Variants in ST6GALNAC4 observed in about 807,000 individuals in gnomAD.
ST6GALNAC4 encodes the protein alpha-N-acetyl-neuraminyl-2,3-beta-galactosyl-1,3-N-acetyl-galactosaminide alpha-2,6-sialyltransferase.
In ST6GALNAC4, 24 loss-of-function variants were observed where a neutral mutation model predicts 30.4. The observed-to-expected ratio is 0.79, with a 90% CI of 0.57 to 1.11. The LOEUF (loss-of-function observed/expected upper bound fraction) is 1.11. Among genes scored for constraint, ST6GALNAC4 ranks in the 50% most tolerant of loss-of-function variants. ST6GALNAC4 has a pLI of 0.00. For missense variants in ST6GALNAC4, 365 were observed against 430.1 expected (o/e 0.85, Z 1.34); for synonymous variants, 156 against 179.7 (o/e 0.87, Z 1.05).
intron 5 of ST6GALNAC4, 75 bp from the exon 6 acceptor site, chr9:127,908,656 C>T (rs1336467308): frequency 2.9e-6 from 4 of 1,371,178 alleles, no homozygotes; most frequent in South Asian, 3.4e-5. Flanking sequence ...CCTACCTTGA[C>T]CACCCCTCGC....
chr9:127,915,407 A>C (rs1588678591), intron 2 of ST6GALNAC4, among the ~76,000 whole-genome samples: 1 of 151,860 alleles, frequency 6.6e-6, no homozygotes, highest in Non-Finnish European at 1.5e-5. Context: ...CCTCCTCCCC[A>C]CCCCCAGCTG....
In ST6GALNAC4 at chr9:127,916,403, C is replaced by G. The variant is rs781763167; in HGVS notation, c.12+5G>C. ...TCCCTGGAAGTCCTCCTTCTTCCCA[C>G]TTACCGGAGCCTTCATGCTGTCGCT... On this transcript the variant is annotated splice_donor_5th_base_variant and intron_variant, in intron 2 of 5. Transcript: ENST00000335791. The G allele has an allele frequency of 3.7e-6, 6 of 1,614,086 alleles. No homozygotes were observed. The highest frequency in any genetic ancestry group is 1.6e-4 in the Middle Eastern group (1 of 6,084).
intron 3 of ST6GALNAC4, among the ~76,000 whole-genome samples, chr9:127,913,831 G>C (rs74717730): frequency 6.6e-6 from 1 of 151,994 alleles, no homozygotes; most frequent in African/African-American, 2.4e-5. Context: ...GCACATGGAC[G>C]GGGTGCTCGG....
Position 127,908,585 on chromosome 9 carries a change from C to A in ST6GALNAC4, c.720-4G>T. ...CACTGAGGGGTGGCTCTTCTCCCTG[C>A]GGGGTGGGGAACAGGGCTGGGGTGG... is the stretch of plus-strand genomic sequence containing the variant. On this transcript the variant is annotated splice_region_variant and splice_polypyrimidine_tract_variant and intron_variant, in intron 5 of 5. Coordinates refer to ENST00000335791, the MANE Select transcript of ST6GALNAC4 (RefSeq NM_175039.4). 1 of 1,375,820 alleles carries A rather than the reference C, an allele frequency of 7.3e-7. No homozygotes were observed. Among genetic ancestry groups the A allele is most frequent in the Non-Finnish European group, 9.9e-7 (1 of 1,012,524 alleles). 85.2% of individuals were successfully genotyped at this position (1,375,820 alleles called of 1,614,324 possible). A position where few individuals can be genotyped will look rare whatever the true frequency, so the allele number is the denominator to read the frequency against.
intron 4 of ST6GALNAC4, among the ~76,000 whole-genome samples, chr9:127,911,888 G>T (rs1299786222): frequency 1.3e-5 from 2 of 152,178 alleles, no homozygotes; most frequent in Non-Finnish European, 2.9e-5. Context: ...CTCCCAAAAT[G>T]CTGGGATTAC....
chr9:127,914,489 T>TAAA, intron 3 of ST6GALNAC4, among the ~76,000 whole-genome samples, 167 bp downstream of exon 3: 1 of 3,378 alleles, frequency 3.0e-4, no homozygotes, highest in Non-Finnish European at 9.9e-4. Flanking sequence ...AGACTCCGTC[T>TAAA]CAAAAAAAAA....
Position 127,908,190 on chromosome 9 carries a change from C to G in ST6GALNAC4, c.*202G>C. 1 of 228,170 alleles carries G rather than the reference C, an allele frequency of 4.4e-6. No homozygotes were observed. The highest frequency in any genetic ancestry group is 7.3e-5 in the East Asian group (1 of 13,640). The allele number at this position is 228,170 out of a possible 1,614,324, so 14.1% of individuals were successfully genotyped here. ...GGGAGTGGAGGGGGGAGACACGGCT[C>G]CCCCCTCCACTCCCCTTCAAGTCAT... On this transcript the variant is annotated 3_prime_UTR_variant, in exon 6 of 6. Transcript: ENST00000335791.
chr9:127,908,635 ACACCCT>A, intron 5 of ST6GALNAC4, 54 bp from the exon 6 acceptor site: 1 of 1,450,208 alleles, frequency 6.9e-7, no homozygotes. Flanking sequence ...GCCTCCGGCC[ACACCCT>A]GCCGCCTACC....
chr9:127,912,822 G>A, intron 3 of ST6GALNAC4, 142 bp from the exon 4 acceptor site: 3 of 1,028,186 alleles, frequency 2.9e-6, no homozygotes, highest in Non-Finnish European at 4.1e-6. Flanking sequence ...TTGCAGGCTG[G>A]GCAGCAGGGA....
rs1483190827 is a variant in ST6GALNAC4, at chr9:127,912,609, C to G, written c.270G>C (p.Leu90=). 1 of 1,607,686 alleles carries G rather than the reference C, an allele frequency of 6.2e-7. No individual in the cohort carries two copies. The highest frequency in any genetic ancestry group is 8.5e-7 in the Non-Finnish European group (1 of 1,179,452). ...SSSGQMLGSG[L]GAEIDSAECV... is the part of the protein sequence containing the mutation. ...ACTCGGCACTGTCGATCTCAGCACC[C>G]AGGCCTGAGCCCAGCATTTGGCCGG... Residue 90 remains leucine (L), a synonymous_variant, in exon 4 of 6, where the codon CTG becomes CTC. Coordinates refer to ENST00000335791, the MANE Select transcript of ST6GALNAC4 (RefSeq NM_175039.4).
Position 127,908,788 on chromosome 9 carries a change from C to T in ST6GALNAC4, c.720-207G>A, listed in dbSNP as rs191482161. Among the ~76,000 whole-genome samples the T allele has an allele frequency of 2.2e-3, 333 of 152,170 alleles. 1 individual carries two copies. The highest frequency in any genetic ancestry group is 2.9e-4 in the Non-Finnish European group (20 of 68,000). On this transcript the variant is annotated intron_variant, in intron 5 of 5. Coordinates refer to ENST00000335791, the MANE Select transcript of ST6GALNAC4 (RefSeq NM_175039.4). ...GCTCTGCCTCTTGCAAGCTGGATGACTCTGGGCCAGAGATGGACGCTGTGA... is the reference window on the plus strand; with the variant it reads ...GCTCTGCCTCTTGCAAGCTGGATGATTCTGGGCCAGAGATGGACGCTGTGA...
At chr9:127,915,255 C>T (rs1831171185) in intron 2 of ST6GALNAC4, among the ~76,000 whole-genome samples, 2 of 152,172 alleles carry the variant, frequency 1.3e-5, no homozygotes, top group South Asian at 2.1e-4. Flanking sequence ...TGATAATGCC[C>T]ACCGTGTGAA....
At chr9:127,912,750 C>G in intron 3 of ST6GALNAC4, 70 bp from the exon 4 acceptor site, 1 of 1,441,268 alleles carries the variant, frequency 6.9e-7, no homozygotes. Flanking sequence ...GCAGCTCCCC[C>G]TGGAATATCC....
intron 5 of ST6GALNAC4, among the ~76,000 whole-genome samples, chr9:127,909,276 C>T (rs1378586556): frequency 2.0e-5 from 3 of 151,544 alleles, no homozygotes; most frequent in Admixed American, 1.3e-4. Flanking sequence ...GTAATCCCAG[C>T]GACTAGGGAG....
chr9:127,908,948 C>A (rs1346085259), intron 5 of ST6GALNAC4, among the ~76,000 whole-genome samples: 1 of 152,128 alleles, frequency 6.6e-6, no homozygotes, highest in Non-Finnish European at 1.5e-5. Flanking sequence ...CCCTCATTCC[C>A]ATGTCACAGA....
Position 127,908,359 on chromosome 9 carries a change from G to T in ST6GALNAC4, c.*33C>A. ...TGGGATGGGACATCCCGGAGGCCTC[G>T]CAACGGCATGGCGACTGGCAGGACG... On this transcript the variant is annotated 3_prime_UTR_variant, in exon 6 of 6. Coordinates refer to ENST00000335791, the MANE Select transcript of ST6GALNAC4 (RefSeq NM_175039.4). 1.3e-6 allele frequency: 2 copies of T among 1,506,194 alleles called. No homozygotes were observed. Among genetic ancestry groups the T allele is most frequent in the Non-Finnish European group, 8.9e-7 (1 of 1,118,230 alleles). 93.3% of individuals were successfully genotyped at this position (1,506,194 alleles called of 1,614,324 possible).
chr9:127,910,598 C>G (rs569517188), intron 4 of ST6GALNAC4: 1 of 990,486 alleles, frequency 1.0e-6, no homozygotes, highest in Non-Finnish European at 1.2e-6. Context: ...TGCCCGCATG[C>G]CCCCATGCCC....
intron 3 of ST6GALNAC4, among the ~76,000 whole-genome samples, chr9:127,914,291 G>A (rs1263498973): frequency 6.6e-6 from 1 of 151,026 alleles, no homozygotes; most frequent in African/African-American, 2.4e-5. Context: ...CTACTCGGGA[G>A]GGTGAGGCAG....
intron 4 of ST6GALNAC4, among the ~76,000 whole-genome samples, chr9:127,911,157 TCA>T (rs1831066085): frequency 6.6e-6 from 1 of 151,756 alleles, no homozygotes; most frequent in Non-Finnish European, 1.5e-5. Context: ...AGACACAAAG[TCA>T]CAGAGGCAGG....
Sources: allele counts gnomAD v4.1 joint callset (sites outside exome capture counted in the v4.1 genomes callset), GRCh38; gene constraint gnomAD v4.1.1; transcripts MANE v1.5; gene names NCBI Gene and HGNC (gene_info 2026-07-23, HGNC 2026-07-21).